Variants in MYO1H observed in about 807,000 individuals in gnomAD.
MYO1H encodes the protein myosin IH, also known as unconventional myosin-Ih.
A neutral mutation model predicts 149.3 loss-of-function variants in MYO1H; 118 were observed. The ratio of observed to expected loss-of-function variants is 0.79; its 90% CI spans 0.68 to 0.92. The LOEUF (loss-of-function observed/expected upper bound fraction) is 0.92. Among genes scored for constraint, MYO1H ranks in the 40% least tolerant of loss-of-function variants. MYO1H has a pLI of 0.00. For synonymous variants in MYO1H, 447 were observed against 465.2 expected (o/e 0.96, Z 0.50); for missense variants, 1,212 against 1,280.7 (o/e 0.95, Z 0.82).
intron 2 of MYO1H, among the ~76,000 whole-genome samples, chr12:109,390,927 CAGAGTCCTGGGAT>C (rs1268129526): frequency 6.6e-6 from 1 of 152,212 alleles, no homozygotes; most frequent in African/African-American, 2.4e-5. Context: ...CTCAGCCTCC[CAGAGTCCTGGGAT>C]TACTGTGCCC....
At chr12:109,372,613 TTA>T (rs2137016786) in intron 1 of MYO1H, among the ~76,000 whole-genome samples, 1 of 152,228 alleles carries the variant, frequency 6.6e-6, no homozygotes, top group South Asian at 2.1e-4. Context: ...GTTATTGAAT[TTA>T]TGTCTTAATT....
At chr12:109,442,996 G>GAAAAA (rs1872216280) in intron 27 of MYO1H, among the ~76,000 whole-genome samples, 5 of 62,444 alleles carry the variant, frequency 8.0e-5, no homozygotes, top group African/African-American at 4.5e-4. Context: ...CAGAGAGCCA[G>GAAAAA]GAAAAAAAAA....
chr12:109,435,639 G>A (rs1365273193), intron 21 of MYO1H, among the ~76,000 whole-genome samples: 1 of 152,236 alleles, frequency 6.6e-6, no homozygotes, highest in Non-Finnish European at 1.5e-5. Context: ...TGCGCCAGGT[G>A]AACACTAAGT....
intron 16 of MYO1H, among the ~76,000 whole-genome samples, chr12:109,423,877 A>T (rs528537127): frequency 0.055 from 8,371 of 152,230 alleles, 710 homozygotes; most frequent in African/African-American, 0.19. Flanking sequence ...TAAATATTTT[A>T]AAAAATTAAG....
chr12:109,336,057 T>G, the MYO1H span, among the ~76,000 whole-genome samples: 1 of 151,264 alleles, frequency 6.6e-6, no homozygotes, highest in Non-Finnish European at 1.5e-5. Context: ...CATGGCTCAC[T>G]GCATCCTCAA....
intron 19 of MYO1H, among the ~76,000 whole-genome samples, chr12:109,430,943 A>AT (rs61356178): frequency 0.33 from 49,514 of 150,174 alleles, 8,241 homozygotes; most frequent in Admixed American, 0.41. Context: ...ATATACATGT[A>AT]TTTTTTTTAA....
In MYO1H at chr12:109,398,632, C is replaced by G. The variant is rs190845438; in HGVS notation, c.570+820C>G. On this transcript the variant is annotated intron_variant, in intron 5 of 31. Transcript: ENST00000310903. Reference sequence around the variant, plus strand: ...ATGCATGGTGGTGTGCGACTGTAATCCCAGCTACTCGGAAGGCTGAGGCAG... The same window carrying G: ...ATGCATGGTGGTGTGCGACTGTAATGCCAGCTACTCGGAAGGCTGAGGCAG... 1.4e-3 allele frequency among the ~76,000 whole-genome samples: 208 copies of G among 151,300 alleles called. 2 individuals are homozygous for G. The highest frequency in any genetic ancestry group is 4.8e-3 in the African/African-American group (196 of 41,220).
At chr12:109,319,194 A>G in the MYO1H span, among the ~76,000 whole-genome samples, 1 of 152,120 alleles carries the variant, frequency 6.6e-6, no homozygotes, top group African/African-American at 2.4e-5. Context: ...CTGCCCATCA[A>G]CAGATGAATG....
chr12:109,443,412 T>G, intron 27 of MYO1H, 102 bp from the exon 28 acceptor site: 2 of 1,345,842 alleles, frequency 1.5e-6, no homozygotes, highest in Non-Finnish European at 2.0e-6. Context: ...AAAATCTGTT[T>G]GAGCTTTTCT....
At chr12:109,388,633 T>C (rs1869489572) in intron 1 of MYO1H, 50 bp from the exon 2 acceptor site, 1 of 1,468,234 alleles carries the variant, frequency 6.8e-7, no homozygotes, top group Non-Finnish European at 9.1e-7. Context: ...AGACGTGTAA[T>C]AGATATTACC....
the MYO1H span, among the ~76,000 whole-genome samples, chr12:109,338,691 C>T: frequency 2.7e-4 from 38 of 140,818 alleles, no homozygotes; most frequent in South Asian, 4.5e-4. Flanking sequence ...TCACTTGAAT[C>T]GGAGGTGGAG....
intron 6 of MYO1H, chr12:109,401,499 T>C: frequency 2.3e-6 from 1 of 442,394 alleles, no homozygotes; most frequent in East Asian, 3.6e-5. Flanking sequence ...GTGGTTCTCA[T>C]CCCTGGCTGA....
intron 1 of MYO1H, among the ~76,000 whole-genome samples, chr12:109,354,618 T>TTAAAAAA (rs558745249): frequency 8.4e-6 from 1 of 119,408 alleles, no homozygotes; most frequent in Admixed American, 9.0e-5. Flanking sequence ...AGACTCTGTC[T>TTAAAAAA]AAAAAAAAAA....
At chr12:109,360,822 TAG>T (rs1320029327) in intron 1 of MYO1H, among the ~76,000 whole-genome samples, 1 of 152,244 alleles carries the variant, frequency 6.6e-6, no homozygotes, top group Non-Finnish European at 1.5e-5. Context: ...TTTTACGTTT[TAG>T]ACATGAGACA....
the MYO1H span, among the ~76,000 whole-genome samples, chr12:109,325,368 A>G: frequency 6.6e-6 from 1 of 152,222 alleles, no homozygotes; most frequent in African/African-American, 2.4e-5. Context: ...TGGTGCTGGG[A>G]AAACTGGCTA....
intron 1 of MYO1H, among the ~76,000 whole-genome samples, chr12:109,375,814 T>TA (rs958879936): frequency 1.1e-4 from 17 of 151,956 alleles, no homozygotes; most frequent in South Asian, 4.1e-4. Flanking sequence ...CCTTTCTCTA[T>TA]AAAAAAATAC....
intron 14 of MYO1H, among the ~76,000 whole-genome samples, chr12:109,414,831 C>T (rs1046266794): frequency 1.4e-4 from 22 of 152,104 alleles, no homozygotes; most frequent in Admixed American, 8.5e-4. Context: ...CCTCGGCCTC[C>T]TGAGTAGCTG....
At chr12:109,339,158 A>G in the MYO1H span, among the ~76,000 whole-genome samples, 3 of 152,116 alleles carry the variant, frequency 2.0e-5, no homozygotes, top group African/African-American at 7.2e-5. Context: ...TGAGATCAGG[A>G]GTTGGAGACC....
chr12:109,366,532 A>G (rs1202355195), intron 1 of MYO1H, among the ~76,000 whole-genome samples: 1 of 152,188 alleles, frequency 6.6e-6, no homozygotes, highest in African/African-American at 2.4e-5. Flanking sequence ...GTTTAAGAGG[A>G]CAAGAAACCG....
Sources: allele counts gnomAD v4.1 joint callset (sites outside exome capture counted in the v4.1 genomes callset), GRCh38; gene constraint gnomAD v4.1.1; transcripts MANE v1.5; gene names NCBI Gene and HGNC (gene_info 2026-07-23, HGNC 2026-07-21).